Variants in PTPRH observed in about 807,000 individuals in gnomAD.
PTPRH encodes receptor-type tyrosine-protein phosphatase H.
Under a neutral mutation model 130.2 loss-of-function variants are expected in PTPRH, and 113 were observed. The observed-to-expected ratio is 0.87, with a 90% CI of 0.75 to 1.01. PTPRH has a LOEUF of 1.01. Among genes scored for constraint, PTPRH ranks in the 50% least tolerant of loss-of-function variants. The pLI is 0.00. For synonymous variants in PTPRH, 556 were observed against 577.9 expected (o/e 0.96, Z 0.54); for missense variants, 1,430 against 1,425.0 (o/e 1.00, Z -0.06).
chr19:55,198,140 C>T (rs554645123), intron 8 of PTPRH, among the ~76,000 whole-genome samples: 15 of 152,194 alleles, frequency 9.9e-5, no homozygotes, highest in Admixed American at 5.2e-4. Context: ...TCAGTTGAGC[C>T]CAGGAGGTCG....
At chr19:55,197,090 A>G (rs779795817) in intron 9 of PTPRH, 27 bp downstream of exon 9, 6 of 1,610,000 alleles carry the variant, frequency 3.7e-6, no homozygotes, top group Non-Finnish European at 5.1e-6. Flanking sequence ...CCAGTTCACC[A>G]CTTGAAGGCA....
At position 55,203,862 on chromosome 19, in the gene PTPRH, G is replaced by C. The variant is rs1236201981; in HGVS notation, c.806C>G (p.Pro269Arg). Reference sequence around the variant, plus strand: ...CACAGAACACGTATACAATGACCCGGGTCCAAGGCCATCCACGGTGACTCT... The same window carrying C: ...CACAGAACACGTATACAATGACCCGCGTCCAAGGCCATCCACGGTGACTCT... ...DTRVTVDGLG[P>R]GSLYTCSVWV... Residue 269 changes from proline (P) to arginine (R), a missense_variant, in exon 5 of 20, where the codon CCC becomes CGC. Pro to Arg is a moderately radical substitution (Grantham distance 103). Transcript: ENST00000376350. 6.2e-6 allele frequency: 10 copies of C among 1,614,016 alleles called. No individual in the cohort carries two copies. The highest frequency in any genetic ancestry group is 8.5e-6 in the Non-Finnish European group (10 of 1,180,034).
intron 2 of PTPRH, 48 bp from the exon 3 acceptor site, chr19:55,207,003 C>T (rs1197913457): frequency 6.4e-7 from 1 of 1,559,730 alleles, no homozygotes; most frequent in African/African-American, 1.4e-5. Context: ...CAGGTCAGTA[C>T]AATCCCTCCC....
chr19:55,202,894 C>T (rs577233123), intron 5 of PTPRH, among the ~76,000 whole-genome samples: 1 of 151,856 alleles, frequency 6.6e-6, no homozygotes, highest in African/African-American at 2.4e-5. Context: ...CAAAAGTTAG[C>T]CAGGTATGGT....
intron 18 of PTPRH, among the ~76,000 whole-genome samples, chr19:55,184,985 A>AC (rs2086277231): frequency 6.7e-6 from 1 of 148,508 alleles, no homozygotes; most frequent in Non-Finnish European, 1.5e-5. Context: ...CTCTGCCTTT[A>AC]CCTTTTCATC....
At position 55,183,615 on chromosome 19, in the gene PTPRH, T is replaced by G. The variant is rs1355006346; in HGVS notation, c.3063-1464A>C. On this transcript the variant is annotated intron_variant, in intron 18 of 19. Transcript: ENST00000376350. Reference sequence around the variant, plus strand: ...GGCAGGCACCTGTATTCCCAGCTACTCAAGAGGCTGAGGCAGGAGAATTGC... The same window carrying G: ...GGCAGGCACCTGTATTCCCAGCTACGCAAGAGGCTGAGGCAGGAGAATTGC... Among the ~76,000 whole-genome samples, 5 of 152,050 alleles carry G rather than the reference T, an allele frequency of 3.3e-5. No homozygotes were observed. In the East Asian group the frequency reaches 9.7e-4, roughly 30 times the overall value.
chr19:55,184,233 G>A (rs1421423672), intron 18 of PTPRH, among the ~76,000 whole-genome samples: 5 of 151,974 alleles, frequency 3.3e-5, no homozygotes, highest in South Asian at 2.1e-4. Context: ...GCAGTGAGCC[G>A]AGATCATGCC....
chr19:55,186,205 C>G lies in PTPRH; in HGVS notation c.2778+20G>C. ...GCGGGGTCCTGCACCCAGTCAGCAC[C>G]CAGGACTCAGATCTCTCACCCGGCC... On this transcript the variant is annotated intron_variant, in intron 16 of 19. Coordinates refer to ENST00000376350, the MANE Select transcript of PTPRH (RefSeq NM_002842.5). The G allele has an allele frequency of 1.2e-6, 2 of 1,600,988 alleles. No homozygotes were observed. Among genetic ancestry groups the G allele is most frequent in the Non-Finnish European group, 1.7e-6 (2 of 1,171,288 alleles).
At chr19:55,183,449 C>T (rs1290620156) in intron 18 of PTPRH, among the ~76,000 whole-genome samples, 3 of 151,852 alleles carry the variant, frequency 2.0e-5, no homozygotes, top group South Asian at 2.1e-4. Context: ...TTAAGCTGGG[C>T]GCACTGGCTC....
At position 55,186,328 on chromosome 19, in the gene PTPRH, G is replaced by A. The variant is rs1380943099; in HGVS notation, c.2675C>T (p.Thr892Ile). The A allele has an allele frequency of 1.9e-6, 3 of 1,614,104 alleles. No individual in the cohort carries two copies. Among genetic ancestry groups the A allele is most frequent in the Non-Finnish European group, 2.5e-6 (3 of 1,179,984 alleles). The change falls in exon 16 of 20, where the codon ACC becomes ATC. Residue 892 changes from threonine to isoleucine, a missense_variant. Coordinates refer to ENST00000376350, the MANE Select transcript of PTPRH (RefSeq NM_002842.5). ...CACTGTCTGTGGCAGGGGACCCTGG[G>A]TTGCAATGAACTCCTGGGGGCTCCA... ...GLWSPQEFIATQGPLPQTVGD... is the reference protein window; with the variant it reads ...GLWSPQEFIAIQGPLPQTVGD...
At chr19:55,182,986 G>A (rs2086218427) in intron 18 of PTPRH, among the ~76,000 whole-genome samples, 1 of 151,426 alleles carries the variant, frequency 6.6e-6, no homozygotes, top group African/African-American at 2.4e-5. Context: ...AATAGAGACG[G>A]GGTCTTGCCA....
intron 5 of PTPRH, 65 bp from the exon 6 acceptor site, chr19:55,202,387 C>T: frequency 6.3e-7 from 1 of 1,591,318 alleles, no homozygotes; most frequent in East Asian, 2.2e-5. Flanking sequence ...CCAGCCCTTC[C>T]TTAACCATTG....
chr19:55,199,520 G>T (rs2086790314), intron 7 of PTPRH, among the ~76,000 whole-genome samples: 1 of 152,024 alleles, frequency 6.6e-6, no homozygotes, highest in Non-Finnish European at 1.5e-5. Flanking sequence ...CAGGAGAATT[G>T]CTTGAGCCCA....
chr19:55,185,580 G>T lies in PTPRH; in HGVS notation c.2984C>A (p.Thr995Asn). The T allele has an allele frequency of 1.2e-6, 2 of 1,614,240 alleles. No individual in the cohort carries two copies. The highest frequency in any genetic ancestry group is 1.7e-6 in the Non-Finnish European group (2 of 1,180,038). ...PDHGVPSSPD[T>N]LLAFWRMLRQ... ...AAGCATCCTCCAGAAAGCCAGCAAG[G>T]TGTCTGGGGAGGAGGGAACGCCGTG... Residue 995 changes from threonine (T) to asparagine (N), a missense_variant, in exon 18 of 20, where the codon ACC (threonine) becomes AAC (asparagine). Coordinates refer to ENST00000376350, the MANE Select transcript of PTPRH (RefSeq NM_002842.5).
At chr19:55,187,928 A>C in intron 13 of PTPRH, 150 bp downstream of exon 13, 1 of 637,706 alleles carries the variant, frequency 1.6e-6, no homozygotes. Context: ...TGGAAAGATA[A>C]CATGGCTGGG....
chr19:55,200,300 T>G lies in PTPRH; in HGVS notation c.1356A>C (p.Thr452=), dbSNP rs758353929. Residue 452 remains threonine, a synonymous_variant, in exon 7 of 20, where the codon ACA becomes ACC. Transcript: ENST00000376350. ...CATTTTTTTCTGCCCATACAGAGAATGTGTACAAGGTTCCGGGCTCAAGTC... is the reference window on the plus strand; with the variant it reads ...CATTTTTTTCTGCCCATACAGAGAAGGTGTACAAGGTTCCGGGCTCAAGTC... ...AERLEPGTLY[T]FSVWAEKNGA... The G allele has an allele frequency of 1.5e-5, 25 of 1,614,052 alleles. No homozygotes were observed. The highest frequency in any genetic ancestry group is 2.0e-5 in the Non-Finnish European group (24 of 1,180,036).
At position 55,207,316 on chromosome 19, in the gene PTPRH, G is replaced by A. The variant is rs553892523; in HGVS notation, c.52-117C>T. 8 of 1,147,796 alleles carry A rather than the reference G, an allele frequency of 7.0e-6. No individual in the cohort carries two copies. The East Asian group carries it at 2.1e-4, about 30-fold the overall frequency. The allele number at this position is 1,147,796 out of a possible 1,614,324, so 71.1% of individuals were successfully genotyped here. A position where few individuals can be genotyped will look rare whatever the true frequency, so the allele number is the denominator to read the frequency against. On this transcript the variant is annotated intron_variant, in intron 1 of 19. Transcript: ENST00000376350. ...CCCATGAGTCACCCTTGCATGGGAA[G>A]GAGGGGCCGGTGTTAGGCTGGGCTG...
intron 5 of PTPRH, 60 bp downstream of exon 5, chr19:55,203,722 A>G (rs12608558): frequency 0.057 from 86,237 of 1,519,174 alleles, 6,621 homozygotes; most frequent in Admixed American, 0.34. Context: ...TCAGCTCCCA[A>G]CCACCCCCTA....
At position 55,203,869 on chromosome 19, in the gene PTPRH, G is replaced by C; in HGVS notation, c.799C>G (p.Leu267Val). The C allele has an allele frequency of 6.2e-7, 1 of 1,614,188 alleles. No homozygotes were observed. Among genetic ancestry groups the C allele is most frequent in the Non-Finnish European group, 8.5e-7 (1 of 1,180,046 alleles). The change falls in exon 5 of 20, where the codon CTT becomes GTT. Residue 267 changes from leucine to valine, a missense_variant. Coordinates refer to ENST00000376350, the MANE Select transcript of PTPRH (RefSeq NM_002842.5). ...TTDTRVTVDG[L>V]GPGSLYTCSV... Reference sequence around the variant, plus strand: ...CACGTATACAATGACCCGGGTCCAAGGCCATCCACGGTGACTCTGGTGTCT... The same window carrying C: ...CACGTATACAATGACCCGGGTCCAACGCCATCCACGGTGACTCTGGTGTCT...
Sources: gnomAD v4.1 joint callset for allele counts (sites outside exome capture counted in the v4.1 genomes callset) on GRCh38, gnomAD v4.1.1 for gene constraint, MANE v1.5 for transcripts, NCBI Gene and HGNC (gene_info 2026-07-23, HGNC 2026-07-21) for gene names.